ITPR1: variants seen among roughly 807,000 people sequenced by gnomAD.
The protein encoded by ITPR1 is inositol 1,4,5-trisphosphate-gated calcium channel ITPR1.
A neutral mutation model predicts 318.4 loss-of-function variants in ITPR1; 96 were observed. The observed-to-expected ratio is 0.30, with a 90% CI of 0.26 to 0.36. The LOEUF (loss-of-function observed/expected upper bound fraction) is 0.36. Among genes scored for constraint, ITPR1 ranks in the 10% least tolerant of loss-of-function variants. The pLI is 1.00. For missense variants in ITPR1, 2,440 were observed against 3,460.2 expected, an observed-to-expected ratio of 0.71 and a Z score of 7.40; for synonymous variants, 1,312 against 1,289.9, an observed-to-expected ratio of 1.02 and a Z score of -0.37.
intron 26 of ITPR1, 85 bp from the exon 27 acceptor site, chr3:4,683,301 C>G: frequency 1.5e-6 from 2 of 1,344,886 alleles, no homozygotes; most frequent in Admixed American, 1.7e-5. Flanking sequence ...AGAAATGCAA[C>G]TAGGTTAGGT....
intron 4 of ITPR1, among the ~76,000 whole-genome samples, chr3:4,523,258 C>T (rs923204695): frequency 6.6e-6 from 1 of 151,978 alleles, no homozygotes; most frequent in African/African-American, 2.4e-5. Flanking sequence ...ATGTACTGTA[C>T]GAAGTTAACT....
chr3:4,771,734 A>G (rs992759177), intron 46 of ITPR1, among the ~76,000 whole-genome samples: 1 of 151,948 alleles, frequency 6.6e-6, no homozygotes, highest in Admixed American at 6.6e-5. Flanking sequence ...ATATTTTAAC[A>G]TATTTTAACT....
chr3:4,766,616 A>G lies in ITPR1; in HGVS notation c.5631A>G (p.Gln1877=), dbSNP rs1326405391. The change falls in exon 45 of 62, where the codon CAA becomes CAG. Residue 1877 remains glutamine (Q), a synonymous_variant. Transcript: ENST00000649015. ...VFYDRMKVAQ[Q]EIKATVTVNT... is the part of the protein sequence containing the mutation. ...ATGACCGGATGAAGGTGGCCCAGCA[A>G]GAAATCAAAGCAACAGTGACAGTGA... 3.1e-6 allele frequency: 5 copies of G among 1,613,966 alleles called. No individual in the cohort carries two copies. The highest frequency in any genetic ancestry group is 1.1e-5 in the South Asian group (1 of 91,076).
intron 40 of ITPR1, chr3:4,724,507 C>G (rs1226387718): frequency 1.3e-5 from 2 of 152,218 alleles, no homozygotes; most frequent in Non-Finnish European, 2.9e-5. Context: ...TGTTAGAGGC[C>G]AAGGTCACAT....
chr3:4,801,837 G>A (rs890746653), intron 54 of ITPR1, among the ~76,000 whole-genome samples: 2 of 152,114 alleles, frequency 1.3e-5, no homozygotes, highest in Admixed American at 6.6e-5. Flanking sequence ...GCCATGAAGC[G>A]GGGATTGAGA....
intron 59 of ITPR1, among the ~76,000 whole-genome samples, chr3:4,816,636 G>A (rs968840124): frequency 1.3e-5 from 2 of 152,154 alleles, no homozygotes; most frequent in South Asian, 4.1e-4. Context: ...CAATCTGCCC[G>A]TTTTAGCTTC....
At chr3:4,830,621 C>T (rs1301591446) in intron 60 of ITPR1, among the ~76,000 whole-genome samples, 8 of 152,136 alleles carry the variant, frequency 5.3e-5, no homozygotes, top group Non-Finnish European at 7.3e-5. Context: ...AGGCCTACCC[C>T]GTACCCCCTT....
intron 4 of ITPR1, among the ~76,000 whole-genome samples, chr3:4,568,026 T>C (rs904565888): frequency 9.9e-5 from 15 of 152,134 alleles, no homozygotes; most frequent in African/African-American, 3.6e-4. Flanking sequence ...TGGTCACTGA[T>C]TTGAAATCTA....
At chr3:4,717,223 G>A (rs559236870) in intron 39 of ITPR1, 144 bp from the exon 40 acceptor site, 33 of 727,010 alleles carry the variant, frequency 4.5e-5, no homozygotes, top group Admixed American at 2.9e-4. Flanking sequence ...TGTCCTAAGC[G>A]CCCAAGCCTC....
rs990201500 is a variant in ITPR1 at position 4,652,628 on chromosome 3, A to G, written c.951+410A>G. ...CGTATAAGGAATTAGATAATCTTAT[A>G]AAGAAATTTGGCTACTCAGAGCATT... is the stretch of plus-strand genomic sequence containing the variant. On this transcript the variant is annotated intron_variant, in intron 11 of 61. Coordinates refer to ENST00000649015, the MANE Select transcript of ITPR1 (RefSeq NM_001378452.1). Among the ~76,000 whole-genome samples the G allele has an allele frequency of 2.0e-5, 3 of 152,198 alleles. No individual in the cohort carries two copies. In the South Asian group the frequency reaches 6.2e-4, roughly 32 times the overall value.
chr3:4,495,499 T>TC (rs2080478251), intron 2 of ITPR1, among the ~76,000 whole-genome samples: 1 of 152,234 alleles, frequency 6.6e-6, no homozygotes, highest in African/African-American at 2.4e-5. Context: ...AACTCTAGTT[T>TC]CTTCTTGGAG....
At chr3:4,559,743 G>T (rs1299783124) in intron 4 of ITPR1, among the ~76,000 whole-genome samples, 1 of 152,208 alleles carries the variant, frequency 6.6e-6, no homozygotes, top group Non-Finnish European at 1.5e-5. Flanking sequence ...ACCACACACT[G>T]TGGGAGAATC....
At chr3:4,543,871 A>G (rs1442981566) in intron 4 of ITPR1, among the ~76,000 whole-genome samples, 1 of 152,224 alleles carries the variant, frequency 6.6e-6, no homozygotes, top group African/African-American at 2.4e-5. Flanking sequence ...TTATGTAGTG[A>G]AAGTCTCAAA....
intron 35 of ITPR1, among the ~76,000 whole-genome samples, 166 bp from the exon 36 acceptor site, chr3:4,702,664 T>C (rs189946865): frequency 1.9e-3 from 290 of 152,306 alleles, no homozygotes; most frequent in African/African-American, 6.7e-3. Flanking sequence ...TTAGCTCTTA[T>C]CCAGGCATCC....
chr3:4,836,083 G>A (rs750086528), intron 60 of ITPR1, among the ~76,000 whole-genome samples: 32 of 152,146 alleles, frequency 2.1e-4, no homozygotes, highest in African/African-American at 4.6e-4. Context: ...ACATGCACAC[G>A]TATCTGTTAA....
At chr3:4,665,388 T>C in intron 17 of ITPR1, 92 bp downstream of exon 17, 1 of 1,195,458 alleles carries the variant, frequency 8.4e-7, no homozygotes, top group Non-Finnish European at 1.2e-6. Context: ...ACATGTCTAT[T>C]TATAGAATGG....
intron 4 of ITPR1, among the ~76,000 whole-genome samples, chr3:4,522,589 G>A (rs1197090962): frequency 3.3e-5 from 5 of 152,244 alleles, no homozygotes; most frequent in Admixed American, 6.5e-5. Context: ...AACCCAAGGC[G>A]GCTACTGCCT....
At chr3:4,681,963 A>T (rs535183561) in intron 26 of ITPR1, among the ~76,000 whole-genome samples, 1 of 152,314 alleles carries the variant, frequency 6.6e-6, no homozygotes, top group African/African-American at 2.4e-5. Context: ...TATTATAATT[A>T]TGGAACTCTT....
At chr3:4,704,326 C>G (rs529236493) in intron 36 of ITPR1, among the ~76,000 whole-genome samples, 34 of 152,298 alleles carry the variant, frequency 2.2e-4, no homozygotes, top group African/African-American at 8.2e-4. Flanking sequence ...GCAGGAGAAT[C>G]GCTTGAACCT....
Sources: gnomAD v4.1 joint callset for allele counts (sites outside exome capture counted in the v4.1 genomes callset) on GRCh38, gnomAD v4.1.1 for gene constraint, MANE v1.5 for transcripts, NCBI Gene and HGNC (gene_info 2026-07-23, HGNC 2026-07-21) for gene names.